Variants in ANO10 observed in about 807,000 individuals in gnomAD.
The protein encoded by ANO10 is anoctamin 10.
In ANO10, 77 loss-of-function variants were observed where a neutral mutation model predicts 74.7. The observed-to-expected ratio is 1.03, with a 90% confidence interval of 0.86 to 1.25. The LOEUF (loss-of-function observed/expected upper bound fraction) is 1.25. ANO10 is among the 50% of genes most tolerant of loss of function. The pLI, the probability that ANO10 is intolerant of heterozygous loss-of-function variation, is 0.00. For missense variants in ANO10, 721 were observed against 778.1 expected, an observed-to-expected ratio of 0.93 and a Z score of 0.87; for synonymous variants, 279 against 284.9, an observed-to-expected ratio of 0.98 and a Z score of 0.21.
At chr3:43,608,140 AAAAG>A (rs1482760698) in intron 1 of ANO10, among the ~76,000 whole-genome samples, 26 of 152,178 alleles carry the variant, frequency 1.7e-4, no homozygotes, top group Non-Finnish European at 1.5e-4. Flanking sequence ...AAGATAAATA[AAAAG>A]AAAAAGCACA....
At chr3:43,402,651 G>A (rs965332689) in intron 12 of ANO10, among the ~76,000 whole-genome samples, 5 of 152,032 alleles carry the variant, frequency 3.3e-5, no homozygotes, top group Non-Finnish European at 2.9e-5. Flanking sequence ...CTGTGCCCTT[G>A]GTCCTGAGAG....
intron 4 of ANO10, 30 bp from the exon 5 acceptor site, chr3:43,580,502 G>T: frequency 6.2e-7 from 1 of 1,611,218 alleles, no homozygotes. Flanking sequence ...CAAACTGCAT[G>T]AAATGGACTG....
chr3:43,481,975 C>T (rs577009419), intron 11 of ANO10, among the ~76,000 whole-genome samples: 4 of 143,756 alleles, frequency 2.8e-5, no homozygotes, highest in African/African-American at 1.0e-4. Context: ...GTCACCCAGG[C>T]TGGAGTGCAG....
At position 43,515,864 on chromosome 3, in the gene ANO10, CCTGA is replaced by C. The variant is rs1478829712; in HGVS notation, c.1797+33852_1797+33855del. ...GTTTCCTTCTGACTACTGAATATACCCTGACTATCTTCCCTCAGGAAGTACAATG... is the reference window on the plus strand; with the variant it reads ...GTTTCCTTCTGACTACTGAATATACCCTATCTTCCCTCAGGAAGTACAATG... On this transcript the variant is annotated intron_variant, in intron 11 of 12. Transcript: ENST00000292246. Among the ~76,000 whole-genome samples, 7 of 152,220 alleles carry C rather than the reference CCTGA, an allele frequency of 4.6e-5. No individual in the cohort carries two copies. The East Asian group carries it at 1.2e-3, about 25-fold the overall frequency.
chr3:43,684,968 T>C (rs534500859), intron 1 of ANO10, among the ~76,000 whole-genome samples: 1 of 152,274 alleles, frequency 6.6e-6, no homozygotes, highest in East Asian at 1.9e-4. Context: ...CATTAGGAGA[T>C]ATATCTAATG....
intron 11 of ANO10, among the ~76,000 whole-genome samples, chr3:43,467,483 G>C (rs1406356961): frequency 6.6e-6 from 1 of 152,210 alleles, no homozygotes; most frequent in Non-Finnish European, 1.5e-5. Context: ...TAAAAAGCCA[G>C]ATATAAAGAA....
intron 12 of ANO10, among the ~76,000 whole-genome samples, chr3:43,399,837 C>A (rs2092447891): frequency 6.6e-6 from 1 of 152,122 alleles, no homozygotes; most frequent in Non-Finnish European, 1.5e-5. Context: ...CTTCTTATGG[C>A]TCATGGAAGT....
chr3:43,585,346 A>C (rs2081429457), intron 4 of ANO10, among the ~76,000 whole-genome samples: 1 of 150,802 alleles, frequency 6.6e-6, no homozygotes, highest in Non-Finnish European at 1.5e-5. Context: ...GGAAGGGAGA[A>C]GAGAGGAAGA....
At chr3:43,661,791 G>T (rs2083929932) in intron 1 of ANO10, among the ~76,000 whole-genome samples, 1 of 152,094 alleles carries the variant, frequency 6.6e-6, no homozygotes, top group Admixed American at 6.6e-5. Context: ...AACCAACAAA[G>T]ATCAAAAGAG....
intron 11 of ANO10, among the ~76,000 whole-genome samples, chr3:43,466,635 T>C (rs761895479): frequency 1.3e-5 from 2 of 152,142 alleles, no homozygotes; most frequent in Non-Finnish European, 2.9e-5. Flanking sequence ...GGATCATAGG[T>C]ATAAATGTAA....
intron 1 of ANO10, among the ~76,000 whole-genome samples, chr3:43,658,358 G>C (rs1485168459): frequency 1.3e-5 from 2 of 152,268 alleles, no homozygotes; most frequent in East Asian, 3.9e-4. Context: ...AGTATCTGTG[G>C]ATAATGGGAT....
At chr3:43,594,750 A>G (rs1308188452) in intron 4 of ANO10, among the ~76,000 whole-genome samples, 1 of 152,214 alleles carries the variant, frequency 6.6e-6, no homozygotes, top group African/African-American at 2.4e-5. Flanking sequence ...GAAGGCAAGA[A>G]ATAACTAAGA....
At chr3:43,626,510 A>G (rs997108430), upstream of ANO10, among the ~76,000 whole-genome samples, 4 of 151,672 alleles carry the variant, frequency 2.6e-5, no homozygotes, top group African/African-American at 7.3e-5. Context: ...CATGTTGGCC[A>G]GGCTGCTTTT....
At chr3:43,453,201 C>G (rs1469190294) in intron 11 of ANO10, among the ~76,000 whole-genome samples, 2 of 136,306 alleles carry the variant, frequency 1.5e-5, no homozygotes, top group Non-Finnish European at 3.1e-5. Context: ...TTTTTTGAGA[C>G]GGAGTCTCGC....
chr3:43,415,410 C>T (rs533242209), intron 12 of ANO10, among the ~76,000 whole-genome samples: 1 of 152,272 alleles, frequency 6.6e-6, no homozygotes, highest in South Asian at 2.1e-4. Flanking sequence ...AACACCAAGA[C>T]ACACAAAACA....
chr3:43,544,507 T>A (rs1017839237), intron 11 of ANO10, among the ~76,000 whole-genome samples: 1 of 151,888 alleles, frequency 6.6e-6, no homozygotes, highest in Non-Finnish European at 1.5e-5. Flanking sequence ...AAATGAAGAA[T>A]CAGGGCTGGG....
At chr3:43,594,776 A>G (rs1283202764) in intron 4 of ANO10, among the ~76,000 whole-genome samples, 1 of 152,220 alleles carries the variant, frequency 6.6e-6, no homozygotes, top group East Asian at 1.9e-4. Context: ...GCAGAACTGA[A>G]GGAGATAGAG....
chr3:43,502,706 A>C, intron 11 of ANO10, among the ~76,000 whole-genome samples: 1 of 152,270 alleles, frequency 6.6e-6, no homozygotes, highest in East Asian at 1.9e-4. Flanking sequence ...CAACAGATGA[A>C]TGGATAAGCA....
At chr3:43,445,843 G>A (rs1163108464) in intron 11 of ANO10, among the ~76,000 whole-genome samples, 1 of 152,036 alleles carries the variant, frequency 6.6e-6, no homozygotes, top group African/African-American at 2.4e-5. Context: ...GGGACTACAG[G>A]TGTGCACCAC....
Sources: allele counts gnomAD v4.1 joint callset (sites outside exome capture counted in the v4.1 genomes callset), GRCh38; gene constraint gnomAD v4.1.1; transcripts MANE v1.5; gene names NCBI Gene and HGNC (gene_info 2026-07-23, HGNC 2026-07-21).